BMP8A: variants seen among roughly 807,000 people sequenced by gnomAD.
BMP8A encodes BMP-8A.
In BMP8A, 14 loss-of-function variants were observed where a neutral mutation model predicts 36.8. The observed-to-expected ratio is 0.38, with a 90% CI of 0.25 to 0.60. BMP8A has a LOEUF of 0.60. Among genes scored for constraint, BMP8A ranks in the 20% least tolerant of loss-of-function variants. The pLI is 0.63. For missense variants in BMP8A, 267 were observed against 551.1 expected (o/e 0.48, Z 5.16); for synonymous variants, 120 against 237.7 (o/e 0.50, Z 4.55).
chr1:39,502,441 C>T (rs1419740178), intron 1 of BMP8A, among the ~76,000 whole-genome samples: 1 of 152,158 alleles, frequency 6.6e-6, no homozygotes, highest in Non-Finnish European at 1.5e-5. Flanking sequence ...CAGTGAGCAA[C>T]CCAGTGCCCA....
intron 1 of BMP8A, among the ~76,000 whole-genome samples, chr1:39,499,559 C>T (rs966624171): frequency 1.3e-5 from 2 of 152,194 alleles, no homozygotes; most frequent in East Asian, 1.9e-4. Flanking sequence ...AACTGAGGGT[C>T]GCAGGGTTTG....
intron 1 of BMP8A, among the ~76,000 whole-genome samples, chr1:39,509,813 T>C (rs1370844599): frequency 6.6e-6 from 1 of 152,104 alleles, no homozygotes; most frequent in Non-Finnish European, 1.5e-5. Flanking sequence ...CAGTGTTGGG[T>C]TTTGGGGAAG....
rs564924108 is a variant in BMP8A, at chr1:39,503,401, C to A, written c.335-7773C>A. Among the ~76,000 whole-genome samples the A allele has an allele frequency of 6.6e-5, 10 of 151,892 alleles. 1 individual carries two copies. The South Asian group carries it at 1.9e-3, about 28-fold the overall frequency. On this transcript the variant is annotated intron_variant, in intron 1 of 6. Coordinates refer to ENST00000331593, the MANE Select transcript of BMP8A (RefSeq NM_181809.4). ...CACTATTGGCTCATGTCTATGATCC[C>A]AGCAAGGTGAGCCAAGAGTTCAAGA...
rs560527640 is a variant in BMP8A, at chr1:39,523,569, G to A, written c.1059+452G>A. On this transcript the variant is annotated intron_variant, in intron 6 of 6. Coordinates refer to ENST00000331593, the MANE Select transcript of BMP8A (RefSeq NM_181809.4). ...GCGTGTGCACTCACCCACCTGTGCCGCACCACAGGCAGGAAGCTTCTAGAT... is the reference window on the plus strand; with the variant it reads ...GCGTGTGCACTCACCCACCTGTGCCACACCACAGGCAGGAAGCTTCTAGAT... 36 of 1,391,020 alleles carry A rather than the reference G, an allele frequency of 2.6e-5. 1 individual carries two copies. The highest frequency in any genetic ancestry group is 2.5e-4 in the South Asian group (15 of 60,128). 86.2% of individuals were successfully genotyped at this position (1,391,020 alleles called of 1,614,324 possible). A position where few individuals can be genotyped will look rare whatever the true frequency, so the allele number is the denominator to read the frequency against.
chr1:39,508,250 CAA>C (rs59060705), intron 1 of BMP8A, among the ~76,000 whole-genome samples: 215 of 136,734 alleles, frequency 1.6e-3, no homozygotes, highest in Non-Finnish European at 1.6e-3. Context: ...GACTCCGTCT[CAA>C]AAAAAAAAAA....
At chr1:39,517,211 G>T (rs982573630) in intron 3 of BMP8A, among the ~76,000 whole-genome samples, 1 of 151,912 alleles carries the variant, frequency 6.6e-6, no homozygotes, top group South Asian at 2.1e-4. Context: ...TGCCCAGGCT[G>T]GTCTTGAACA....
At chr1:39,502,399 T>G (rs1645261363) in intron 1 of BMP8A, among the ~76,000 whole-genome samples, 1 of 152,204 alleles carries the variant, frequency 6.6e-6, no homozygotes, top group African/African-American at 2.4e-5. Context: ...CTCTGTGCAC[T>G]GAAAGGGCCT....
chr1:39,511,024 T>C, intron 1 of BMP8A, 150 bp from the exon 2 acceptor site: 2 of 1,183,794 alleles, frequency 1.7e-6, no homozygotes, highest in East Asian at 5.1e-5. Context: ...AACAAACGTT[T>C]GCACAAAATG....
chr1:39,522,983 C>G (rs1645443410), intron 5 of BMP8A, 24 bp from the exon 6 acceptor site: 1 of 1,573,570 alleles, frequency 6.4e-7, no homozygotes, highest in African/African-American at 1.3e-5. Flanking sequence ...ATGGATGGGA[C>G]TCACCTTCTC....
chr1:39,501,464 C>G lies in BMP8A; in HGVS notation c.334+9139C>G, dbSNP rs144369323. Among the ~76,000 whole-genome samples the G allele has an allele frequency of 4.7e-3, 718 of 152,324 alleles. 15 individuals carry two copies. The Middle Eastern group carries it at 0.068, about 14-fold the overall frequency. ...CCACCTCCCAGGCTCAAGCCATCCT[C>G]CTACCTCAGCCTCCTGAATAGACTA... is the stretch of plus-strand genomic sequence containing the variant. On this transcript the variant is annotated intron_variant, in intron 1 of 6. Coordinates refer to ENST00000331593, the MANE Select transcript of BMP8A (RefSeq NM_181809.4).
intron 1 of BMP8A, among the ~76,000 whole-genome samples, chr1:39,494,232 A>T (rs1410733758): frequency 6.6e-6 from 1 of 152,232 alleles, no homozygotes; most frequent in Non-Finnish European, 1.5e-5. Flanking sequence ...AAACCCAGAA[A>T]TGAACTCTAA....
intron 5 of BMP8A, among the ~76,000 whole-genome samples, chr1:39,522,798 CGGCTGGGG>C (rs1645441300): frequency 1.5e-5 from 2 of 131,942 alleles, no homozygotes; most frequent in Non-Finnish European, 1.5e-5. Flanking sequence ...AGGGGAGGGC[CGGCTGGGG>C]AGGGCCGGCT....
At chr1:39,522,265 C>T in intron 4 of BMP8A, 138 bp from the exon 5 acceptor site, 1 of 908,608 alleles carries the variant, frequency 1.1e-6, no homozygotes, top group Non-Finnish European at 1.7e-6. Flanking sequence ...CAGGGATGGG[C>T]TTTATGAGAC....
intron 3 of BMP8A, among the ~76,000 whole-genome samples, chr1:39,514,602 C>A (rs910746037): frequency 1.3e-5 from 2 of 151,686 alleles, no homozygotes; most frequent in Non-Finnish European, 2.9e-5. Context: ...CTTTAATGAG[C>A]TGGGGAAGCT....
At chr1:39,493,740 G>T (rs542199408) in intron 1 of BMP8A, among the ~76,000 whole-genome samples, 9 of 152,320 alleles carry the variant, frequency 5.9e-5, no homozygotes, top group Non-Finnish European at 1.0e-4. Flanking sequence ...TAGAGGACAG[G>T]GTGGGGATGT....
rs1198047872 is a variant in BMP8A, at chr1:39,526,666, C to CCCTTG, written c.*871_*875dup. The stretch of plus-strand genomic sequence containing the variant: ...GGGGATATTTTATGTCATGTGTATT[C>CCCTTG]CCTTGCCCTGGGCCTGCCCCTTCTC... On this transcript the variant is annotated 3_prime_UTR_variant, in exon 7 of 7. Coordinates refer to ENST00000331593, the MANE Select transcript of BMP8A (RefSeq NM_181809.4). Among the ~76,000 whole-genome samples the CCCTTG allele has an allele frequency of 1.3e-5, 2 of 152,146 alleles. No individual in the cohort carries two copies. Among genetic ancestry groups the CCCTTG allele is most frequent in the Non-Finnish European group, 2.9e-5 (2 of 68,028 alleles).
intron 1 of BMP8A, among the ~76,000 whole-genome samples, chr1:39,499,343 A>G (rs1570277376): frequency 1.3e-5 from 2 of 152,088 alleles, no homozygotes; most frequent in East Asian, 2.0e-4. Flanking sequence ...GGGCCCTGGG[A>G]CACTCTTCCT....
chr1:39,492,337 C>A lies in BMP8A; in HGVS notation c.334+12C>A. On this transcript the variant is annotated intron_variant, in intron 1 of 6. Transcript: ENST00000331593. ...CTTCGTCAACATGGGTGAGTGCGGC[C>A]GCCCGCGCGGGGACCCTCGGAGTAA... The A allele has an allele frequency of 6.5e-7, 1 of 1,543,548 alleles. No individual in the cohort carries two copies. The highest frequency in any genetic ancestry group is 8.6e-7 in the Non-Finnish European group (1 of 1,157,374).
In BMP8A at chr1:39,525,629, T is replaced by A; in HGVS notation, c.1060-20T>A. On this transcript the variant is annotated intron_variant, in intron 6 of 6. Transcript: ENST00000331593. ...AGGCCACTGGCCTCATGCCCCTGCC[T>A]GTGCTCCCTTCCTGGCCAGGTGCAC... is the stretch of plus-strand genomic sequence containing the variant. 1 of 1,612,848 alleles carries A rather than the reference T, an allele frequency of 6.2e-7. No homozygotes were observed. The highest frequency in any genetic ancestry group is 8.5e-7 in the Non-Finnish European group (1 of 1,179,904).
Sources: allele counts gnomAD v4.1 joint callset (sites outside exome capture counted in the v4.1 genomes callset), GRCh38; gene constraint gnomAD v4.1.1; transcripts MANE v1.5; gene names NCBI Gene and HGNC (gene_info 2026-07-23, HGNC 2026-07-21).